Variants in GPR158 observed in about 807,000 individuals in gnomAD.
GPR158 encodes metabotropic glycine receptor.
In GPR158, 30 loss-of-function variants were observed where a neutral mutation model predicts 78.2. The observed-to-expected ratio is 0.38, with a 90% CI of 0.29 to 0.52. The LOEUF is 0.52. Among genes scored for constraint, GPR158 ranks in the 20% least tolerant of loss-of-function variants. GPR158 has a pLI of 0.83. For missense variants in GPR158, 1,463 were observed against 1,523.5 expected (o/e 0.96, Z 0.66); for synonymous variants, 581 against 591.1 (o/e 0.98, Z 0.25).
intron 5 of GPR158, among the ~76,000 whole-genome samples, chr10:25,494,037 C>G (rs1222688756): frequency 1.3e-5 from 2 of 152,034 alleles, no homozygotes; most frequent in African/African-American, 4.8e-5. Context: ...TATATTAGAG[C>G]TGAAACAATT....
intron 3 of GPR158, among the ~76,000 whole-genome samples, chr10:25,397,063 T>G (rs1003194330): frequency 2.0e-5 from 3 of 152,172 alleles, no homozygotes; most frequent in African/African-American, 7.2e-5. Flanking sequence ...GACAGAGTCT[T>G]AAATGACAGA....
At chr10:25,504,513 C>CAG (rs1167725345) in intron 5 of GPR158, among the ~76,000 whole-genome samples, 1 of 152,174 alleles carries the variant, frequency 6.6e-6, no homozygotes, top group Non-Finnish European at 1.5e-5. Context: ...TCTTCACATC[C>CAG]ATCATCTGAA....
intron 2 of GPR158, among the ~76,000 whole-genome samples, chr10:25,270,621 G>A (rs1854106115): frequency 6.6e-6 from 1 of 152,118 alleles, no homozygotes; most frequent in African/African-American, 2.4e-5. Flanking sequence ...ACCCCAGTCA[G>A]TGACGCTATC....
chr10:25,539,943 T>C (rs1836553907), intron 5 of GPR158, among the ~76,000 whole-genome samples: 1 of 152,010 alleles, frequency 6.6e-6, no homozygotes. Flanking sequence ...TATAGAAAAA[T>C]ATAAGAATTT....
intron 2 of GPR158, among the ~76,000 whole-genome samples, chr10:25,339,418 G>T (rs897913916): frequency 3.3e-5 from 5 of 151,910 alleles, no homozygotes; most frequent in African/African-American, 1.2e-4. Flanking sequence ...TTCTCTTAGG[G>T]TTTCTATTTG....
At chr10:25,408,885 A>G (rs978355450) in intron 3 of GPR158, among the ~76,000 whole-genome samples, 3 of 152,124 alleles carry the variant, frequency 2.0e-5, no homozygotes, top group Non-Finnish European at 4.4e-5. Context: ...CTGTTCTGCT[A>G]TGAGGTACCT....
chr10:25,571,492 C>T (rs1837007455), intron 6 of GPR158, among the ~76,000 whole-genome samples: 1 of 151,994 alleles, frequency 6.6e-6, no homozygotes, highest in East Asian at 1.9e-4. Flanking sequence ...TAAAATTATT[C>T]AAAGAATGAA....
intron 2 of GPR158, among the ~76,000 whole-genome samples, chr10:25,331,505 A>G (rs1382774550): frequency 6.6e-6 from 1 of 152,244 alleles, no homozygotes; most frequent in African/African-American, 2.4e-5. Context: ...AGAGGTGAAG[A>G]TGAACAAGGG....
intron 5 of GPR158, among the ~76,000 whole-genome samples, chr10:25,533,830 AC>A (rs1213938055): frequency 2.0e-5 from 3 of 152,032 alleles, no homozygotes; most frequent in Admixed American, 6.5e-5. Context: ...CAGACTCCAG[AC>A]CCCAGCTGAG....
chr10:25,463,026 G>A (rs913283311), intron 4 of GPR158, among the ~76,000 whole-genome samples: 2 of 152,068 alleles, frequency 1.3e-5, no homozygotes, highest in African/African-American at 4.8e-5. Flanking sequence ...AGGAAGAGTC[G>A]ACTGGTACAG....
In GPR158 at chr10:25,433,596, T is replaced by A. The variant is rs79101485; in HGVS notation, c.1335+21123T>A. Among the ~76,000 whole-genome samples the A allele has an allele frequency of 1.1e-4, 17 of 151,436 alleles. No individual in the cohort carries two copies. In the East Asian group the frequency reaches 2.9e-3, roughly 26 times the overall value. ...GCGCGCGCGCGTGCGCGTGCGCATA[T>A]ATGAATGTCAAGGTGGTGGTAAGGG... On this transcript the variant is annotated intron_variant, in intron 4 of 10. Coordinates refer to ENST00000376351, the MANE Select transcript of GPR158 (RefSeq NM_020752.3).
chr10:25,342,694 G>A (rs752052412), intron 2 of GPR158, among the ~76,000 whole-genome samples: 9 of 151,370 alleles, frequency 5.9e-5, no homozygotes, highest in African/African-American at 9.7e-5. Context: ...TTTACTGATG[G>A]TATATAGGAA....
At chr10:25,267,563 G>A (rs1274575480) in intron 2 of GPR158, among the ~76,000 whole-genome samples, 1 of 152,056 alleles carries the variant, frequency 6.6e-6, no homozygotes, top group African/African-American at 2.4e-5. Context: ...TTGAGCACAG[G>A]ATATCTGAAA....
intron 2 of GPR158, among the ~76,000 whole-genome samples, chr10:25,291,043 A>G (rs998953202): frequency 7.9e-5 from 12 of 152,100 alleles, no homozygotes; most frequent in Non-Finnish European, 1.5e-4. Flanking sequence ...TTCTGCATGC[A>G]GCCATATTTT....
intron 1 of GPR158, among the ~76,000 whole-genome samples, chr10:25,184,327 A>G (rs1418552159): frequency 1.3e-5 from 2 of 152,196 alleles, no homozygotes. Flanking sequence ...AGTAGCTGGG[A>G]GTACAGGCAC....
intron 2 of GPR158, among the ~76,000 whole-genome samples, chr10:25,302,515 G>A (rs1042639231): frequency 1.3e-5 from 2 of 152,106 alleles, no homozygotes; most frequent in African/African-American, 2.4e-5. Context: ...CTTGTTTTGA[G>A]GCTTTTCTAG....
chr10:25,241,250 C>T (rs530163509), intron 2 of GPR158, among the ~76,000 whole-genome samples: 2 of 94,656 alleles, frequency 2.1e-5, no homozygotes, highest in Non-Finnish European at 4.3e-5. Flanking sequence ...CCTTTCTTTC[C>T]TTTCTTTCCT....
chr10:25,256,692 A>AAAAAT (rs991851602), intron 2 of GPR158, among the ~76,000 whole-genome samples: 16 of 152,214 alleles, frequency 1.1e-4, no homozygotes, highest in South Asian at 4.2e-4. Flanking sequence ...TCACAACAAT[A>AAAAAT]AAAATAAAAT....
chr10:25,392,608 G>A (rs1175169575), intron 2 of GPR158, among the ~76,000 whole-genome samples: 1 of 152,122 alleles, frequency 6.6e-6, no homozygotes, highest in Non-Finnish European at 1.5e-5. Context: ...TACTTAACAA[G>A]CAGCCCCTCA....
Sources: gnomAD v4.1 joint callset for allele counts (sites outside exome capture counted in the v4.1 genomes callset) on GRCh38, gnomAD v4.1.1 for gene constraint, MANE v1.5 for transcripts, NCBI Gene and HGNC (gene_info 2026-07-23, HGNC 2026-07-21) for gene names.